The following ARHGAP32 variants were observed in gnomAD, a reference collection of about 807,000 sequenced individuals.
ARHGAP32 encodes the protein Rho GTPase activating protein 32.
In ARHGAP32, 51 loss-of-function variants were observed where a neutral mutation model predicts 186.5. The ratio of observed to expected loss-of-function variants is 0.27; its 90% confidence interval spans 0.22 to 0.35. The LOEUF is 0.35. Among genes scored for constraint, ARHGAP32 ranks in the 10% least tolerant of loss-of-function variants. The probability of loss-of-function intolerance (pLI) is 1.00; values close to 1 mark genes in which losing one functional copy is unlikely to be tolerated. For missense variants in ARHGAP32, 2,186 were observed against 2,623.5 expected (o/e 0.83, Z 3.64); for synonymous variants, 950 against 964.3 (o/e 0.99, Z 0.27).
chr11:129,218,138 T>C (rs1185717102), intron 1 of ARHGAP32, among the ~76,000 whole-genome samples: 1 of 152,190 alleles, frequency 6.6e-6, no homozygotes, highest in Non-Finnish European at 1.5e-5. Context: ...TTTATGCAAA[T>C]TCAAAACCTT....
At position 128,968,914 on chromosome 11, in the gene ARHGAP32, G is replaced by T; in HGVS notation, c.6299C>A (p.Ala2100Glu). ...CTCTATTGCTCGCAGGGCTCATTCT[G>T]CATGGATCTGTGTTTCAGGATGCTG... is the stretch of plus-strand genomic sequence containing the variant. ...SLQHPETQIHAE is the reference protein window; with the variant it reads ...SLQHPETQIHEE Residue 2100 changes from alanine to glutamate, a missense_variant, in exon 23 of 23, where the codon GCA (alanine) becomes GAA (glutamate). Ala to Glu is a moderately radical substitution (Grantham distance 107, BLOSUM62 -1). This residue lies in a region of ARHGAP32 where 1,502 missense variants were observed against 1,570.0 expected (regional missense o/e 0.96). Transcript: ENST00000682385. The T allele has an allele frequency of 6.6e-7, 1 of 1,522,682 alleles. No homozygotes were observed. Among genetic ancestry groups the T allele is most frequent in the East Asian group, 2.3e-5 (1 of 43,598 alleles). 94.3% of individuals were successfully genotyped at this position (1,522,682 alleles called of 1,614,324 possible).
At chr11:129,278,708 C>T (rs924952607) in intron 1 of ARHGAP32, among the ~76,000 whole-genome samples, 2 of 151,938 alleles carry the variant, frequency 1.3e-5, no homozygotes, top group African/African-American at 4.8e-5. Flanking sequence ...GGCCCACGCA[C>T]ACCTGGGGGC....
intron 2 of ARHGAP32, among the ~76,000 whole-genome samples, chr11:129,131,279 ATG>A (rs749870342): frequency 4.6e-5 from 7 of 152,074 alleles, no homozygotes; most frequent in African/African-American, 7.2e-5. Context: ...TTACTCACTT[ATG>A]TGTGTGTGTG....
At chr11:129,225,123 T>C (rs1330595279) in intron 1 of ARHGAP32, among the ~76,000 whole-genome samples, 1 of 152,026 alleles carries the variant, frequency 6.6e-6, no homozygotes, top group Non-Finnish European at 1.5e-5. Flanking sequence ...AAAAAAGTAT[T>C]TTGAGGCAAT....
At chr11:129,207,307 T>C (rs1944526343) in intron 1 of ARHGAP32, among the ~76,000 whole-genome samples, 1 of 152,196 alleles carries the variant, frequency 6.6e-6, no homozygotes, top group South Asian at 2.1e-4. Flanking sequence ...CCTTGAGGAA[T>C]CGTCACACTG....
At chr11:129,016,385 A>C (rs1232480956) in intron 11 of ARHGAP32, among the ~76,000 whole-genome samples, 1 of 152,180 alleles carries the variant, frequency 6.6e-6, no homozygotes, top group East Asian at 1.9e-4. Flanking sequence ...GATTTTCCTT[A>C]TAAGTCATAA....
chr11:129,098,963 AG>A (rs1941814502), intron 5 of ARHGAP32, among the ~76,000 whole-genome samples: 2 of 152,328 alleles, frequency 1.3e-5, no homozygotes, highest in Admixed American at 6.5e-5. Flanking sequence ...AGATAGCTAT[AG>A]AATGTGAACA....
intron 1 of ARHGAP32, among the ~76,000 whole-genome samples, chr11:129,211,532 T>C (rs1944582596): frequency 6.6e-6 from 1 of 152,160 alleles, no homozygotes. Flanking sequence ...CAGTGCCTTC[T>C]ATGCAAGCCG....
At chr11:129,166,808 C>T (rs1943650725) in intron 1 of ARHGAP32, among the ~76,000 whole-genome samples, 1 of 150,196 alleles carries the variant, frequency 6.7e-6, no homozygotes, top group Admixed American at 6.6e-5. Context: ...AAGAATAAAG[C>T]ACAAAAGTGG....
intron 6 of ARHGAP32, among the ~76,000 whole-genome samples, chr11:129,086,398 A>G (rs1222647582): frequency 6.6e-6 from 1 of 152,254 alleles, no homozygotes; most frequent in Non-Finnish European, 1.5e-5. Context: ...TAAAAAACAC[A>G]AAAGGCATGA....
Position 128,972,643 on chromosome 11 carries a change from C to T in ARHGAP32, c.3863G>A (p.Ser1288Asn). 6.2e-7 allele frequency: 1 copy of T among 1,612,984 alleles called. No individual in the cohort carries two copies. The highest frequency in any genetic ancestry group is 1.3e-5 in the African/African-American group (1 of 74,978). ...MTTTPATAQMSTKEASWDVAE... is the reference protein window; with the variant it reads ...MTTTPATAQMNTKEASWDVAE... ...CACATCCCAGCTGGCTTCCTTGGTG[C>T]TCATTTGGGCTGTTGCTGGAGTAGT... is the stretch of plus-strand genomic sequence containing the variant. Residue 1288 changes from serine (S) to asparagine (N), a missense_variant, in exon 22 of 23, where the codon AGC becomes AAC. Transcript: ENST00000682385.
At chr11:129,001,851 A>C (rs1384593576) in intron 11 of ARHGAP32, among the ~76,000 whole-genome samples, 3 of 152,166 alleles carry the variant, frequency 2.0e-5, no homozygotes, top group Admixed American at 6.5e-5. Context: ...TCCCAGCACT[A>C]TTTATTGAAG....
chr11:129,212,199 C>T (rs1332348096), intron 1 of ARHGAP32, among the ~76,000 whole-genome samples: 1 of 151,978 alleles, frequency 6.6e-6, no homozygotes, highest in East Asian at 1.9e-4. Context: ...CGTATAAATG[C>T]CCATTTTTAA....
chr11:129,229,070 T>C (rs1334133365), intron 1 of ARHGAP32, among the ~76,000 whole-genome samples: 3 of 152,230 alleles, frequency 2.0e-5, no homozygotes, highest in African/African-American at 7.2e-5. Flanking sequence ...TTTTACAGAA[T>C]GCTGTACCAC....
Position 129,172,917 on chromosome 11 carries a change from T to C in ARHGAP32, c.117-8490A>G, listed in dbSNP as rs531246563. ...GGCAAGAGCAAACTAATCCAAAAGC[T>C]AGCAAAGCACAAGAAATAACTAAGA... On this transcript the variant is annotated intron_variant, in intron 1 of 22. Coordinates refer to ENST00000682385, the MANE Select transcript of ARHGAP32 (RefSeq NM_001378024.1). Among the ~76,000 whole-genome samples the C allele has an allele frequency of 2.1e-4, 30 of 143,062 alleles. 2 individuals are homozygous for C. The East Asian group carries it at 2.5e-3, about 12-fold the overall frequency. The allele number at this position is 143,062 out of a possible 152,430, so 93.9% of individuals were successfully genotyped here.
At chr11:129,056,112 T>C (rs922098341) in intron 10 of ARHGAP32, among the ~76,000 whole-genome samples, 1 of 152,108 alleles carries the variant, frequency 6.6e-6, no homozygotes, top group Admixed American at 6.6e-5. Context: ...AATCAGCTGA[T>C]GGTTGGTAAA....
At chr11:129,014,080 A>C (rs1016643740) in intron 11 of ARHGAP32, among the ~76,000 whole-genome samples, 2 of 152,362 alleles carry the variant, frequency 1.3e-5, no homozygotes, top group African/African-American at 4.8e-5. Context: ...AAAGCAAACC[A>C]TACTACTTTG....
intron 1 of ARHGAP32, among the ~76,000 whole-genome samples, chr11:129,226,929 A>G (rs993949182): frequency 2.0e-5 from 3 of 152,144 alleles, no homozygotes; most frequent in Non-Finnish European, 4.4e-5. Context: ...ATGAAGAAAT[A>G]AAAAGCACAG....
chr11:128,998,953 A>G (rs1364236972), intron 11 of ARHGAP32, among the ~76,000 whole-genome samples: 1 of 152,152 alleles, frequency 6.6e-6, no homozygotes, highest in Non-Finnish European at 1.5e-5. Flanking sequence ...CCCTGTGATG[A>G]TTGTGTTAAC....
Sources: gnomAD v4.1 joint callset for allele counts (sites outside exome capture counted in the v4.1 genomes callset) on GRCh38, gnomAD v4.1.1 for gene constraint, gnomAD v4.1.1 regional missense constraint, MANE v1.5 for transcripts, NCBI Gene and HGNC (gene_info 2026-07-23, HGNC 2026-07-21) for gene names.